MAP2K6: variants seen among roughly 807,000 people sequenced by gnomAD.
The protein encoded by MAP2K6 is mitogen-activated protein kinase kinase 6.
In MAP2K6, 16 loss-of-function variants were observed where a neutral mutation model predicts 53.7. That is an observed-to-expected ratio of 0.30 (90% CI 0.20 to 0.45). The LOEUF (loss-of-function observed/expected upper bound fraction) is 0.45, where lower values mean the gene tolerates loss of function less well. MAP2K6 is among the 20% of genes least tolerant of loss of function. MAP2K6 has a pLI of 1.00. For synonymous variants in MAP2K6, 132 were observed against 143.1 expected, an observed-to-expected ratio of 0.92 and a Z score of 0.55; for missense variants, 204 against 411.9, an observed-to-expected ratio of 0.50 and a Z score of 4.37.
At chr17:69,435,943 C>G (rs1906626270) in intron 1 of MAP2K6, among the ~76,000 whole-genome samples, 1 of 151,786 alleles carries the variant, frequency 6.6e-6, no homozygotes, top group Non-Finnish European at 1.5e-5. Context: ...GCTGGGATTA[C>G]AGGCGTGAGC....
At chr17:69,493,280 A>AAATTTTATAT (rs1908819472) in intron 1 of MAP2K6, among the ~76,000 whole-genome samples, 2 of 143,196 alleles carry the variant, frequency 1.4e-5, no homozygotes, top group African/African-American at 5.2e-5. Flanking sequence ...TTATATAACC[A>AAATTTTATAT]AAAAGGAAAA....
Position 69,414,969 on chromosome 17 carries a change from C to A in MAP2K6, c.-16C>A. On this transcript the variant is annotated 5_prime_UTR_variant, in exon 1 of 12. Transcript: ENST00000590474. ...AGTCTTTTGTGCTCCCCTCCCCCAT[C>A]AAAGGAAAGGGGAAAATGTCTCAGT... 2 of 1,550,384 alleles carry A rather than the reference C, an allele frequency of 1.3e-6. No homozygotes were observed.
At chr17:69,445,914 A>G (rs1271796868) in intron 1 of MAP2K6, among the ~76,000 whole-genome samples, 8 of 152,210 alleles carry the variant, frequency 5.3e-5, no homozygotes, top group African/African-American at 9.6e-5. Flanking sequence ...TGAGATATTT[A>G]TACTATCAGC....
At chr17:69,496,481 G>T (rs187219362) in intron 1 of MAP2K6, among the ~76,000 whole-genome samples, 15 of 151,832 alleles carry the variant, frequency 9.9e-5, no homozygotes, top group African/African-American at 3.6e-4. Flanking sequence ...CGATTCTCCC[G>T]CCTCAGCCTC....
chr17:69,506,118 A>G (rs1173914937), intron 2 of MAP2K6, among the ~76,000 whole-genome samples: 3 of 152,226 alleles, frequency 2.0e-5, no homozygotes, highest in Non-Finnish European at 4.4e-5. Context: ...AAGGCCAGAA[A>G]GGCCCCTGGA....
intron 1 of MAP2K6, among the ~76,000 whole-genome samples, chr17:69,422,124 ATTT>A (rs35694490): frequency 1.0e-4 from 9 of 87,380 alleles, no homozygotes; most frequent in East Asian, 6.6e-4. Context: ...AATCATCGTA[ATTT>A]TTTTTTTTTT....
intron 1 of MAP2K6, among the ~76,000 whole-genome samples, chr17:69,482,722 T>G (rs1464385664): frequency 1.3e-5 from 2 of 152,068 alleles, no homozygotes; most frequent in African/African-American, 4.8e-5. Flanking sequence ...CAGACAATAC[T>G]GTGTTTAAAA....
intron 1 of MAP2K6, among the ~76,000 whole-genome samples, chr17:69,503,136 G>A (rs1407121388): frequency 1.3e-5 from 2 of 152,186 alleles, no homozygotes; most frequent in Admixed American, 6.5e-5. Context: ...TGAGAGAACT[G>A]TAGGGTCGCC....
chr17:69,465,738 G>C (rs1384385669), intron 1 of MAP2K6, among the ~76,000 whole-genome samples: 1 of 151,346 alleles, frequency 6.6e-6, no homozygotes, highest in Non-Finnish European at 1.5e-5. Context: ...TCCTGCCTCA[G>C]CCTCCCAAAT....
chr17:69,481,087 A>G (rs1908336003), intron 1 of MAP2K6, among the ~76,000 whole-genome samples: 1 of 152,026 alleles, frequency 6.6e-6, no homozygotes. Context: ...TGTCCCCAGA[A>G]CTCTTTTTTC....
chr17:69,505,630 A>C (rs1279049300), intron 1 of MAP2K6, 150 bp from the exon 2 acceptor site: 1 of 660,478 alleles, frequency 1.5e-6, no homozygotes, highest in Non-Finnish European at 2.8e-6. Context: ...GGTTCTTAAC[A>C]CTCACAGACT....
chr17:69,499,884 C>A (rs1000984001), intron 1 of MAP2K6, among the ~76,000 whole-genome samples: 1 of 152,144 alleles, frequency 6.6e-6, no homozygotes, highest in Non-Finnish European at 1.5e-5. Flanking sequence ...TTCAGGGAAG[C>A]TGCTTTGAGC....
chr17:69,477,130 T>G (rs968484665), intron 1 of MAP2K6: 1 of 152,090 alleles, frequency 6.6e-6, no homozygotes, highest in Non-Finnish European at 1.5e-5. Context: ...GAGCTTGAAA[T>G]AAAGAATTGC....
At chr17:69,486,630 G>T (rs1437500513) in intron 1 of MAP2K6, among the ~76,000 whole-genome samples, 2 of 152,190 alleles carry the variant, frequency 1.3e-5, no homozygotes, top group African/African-American at 2.4e-5. Context: ...GATACAAACA[G>T]CACTGATCTT....
chr17:69,414,829 T>G lies in MAP2K6; in HGVS notation c.-156T>G. 1 of 663,030 alleles carries G rather than the reference T, an allele frequency of 1.5e-6. No homozygotes were observed. Among genetic ancestry groups the G allele is most frequent in the East Asian group, 2.6e-5 (1 of 38,200 alleles). 41.1% of individuals were successfully genotyped at this position (663,030 alleles called of 1,614,324 possible). A position where few individuals can be genotyped will look rare whatever the true frequency, so the allele number is the denominator to read the frequency against. Reference sequence around the variant, plus strand: ...TGCAAGGTGTGCATTTCCATCTTGATTCCCTGAAAGTCCATCTGCTGCATC... The same window carrying G: ...TGCAAGGTGTGCATTTCCATCTTGAGTCCCTGAAAGTCCATCTGCTGCATC... On this transcript the variant is annotated 5_prime_UTR_variant, in exon 1 of 12. Transcript: ENST00000590474.
intron 2 of MAP2K6, among the ~76,000 whole-genome samples, chr17:69,511,004 C>G (rs1221037600): frequency 6.6e-6 from 1 of 152,088 alleles, no homozygotes; most frequent in African/African-American, 2.4e-5. Flanking sequence ...TGCCAGGAGT[C>G]TTACATCCCT....
intron 1 of MAP2K6, among the ~76,000 whole-genome samples, chr17:69,425,509 C>T (rs933660115): frequency 2.0e-5 from 3 of 152,066 alleles, no homozygotes; most frequent in African/African-American, 7.2e-5. Flanking sequence ...GATGGGGCTT[C>T]ACTGTGTTGG....
At chr17:69,415,681 T>C (rs548843791) in intron 1 of MAP2K6, among the ~76,000 whole-genome samples, 1 of 152,318 alleles carries the variant, frequency 6.6e-6, no homozygotes, top group African/African-American at 2.4e-5. Context: ...ATGTTTTATG[T>C]CTGCCCATTT....
chr17:69,422,125 T>TG (rs71144691), intron 1 of MAP2K6, among the ~76,000 whole-genome samples: 1 of 36,874 alleles, frequency 2.7e-5, no homozygotes, highest in African/African-American at 7.7e-5. Flanking sequence ...ATCATCGTAA[T>TG]TTTTTTTTTT....
Sources: allele counts gnomAD v4.1 joint callset (sites outside exome capture counted in the v4.1 genomes callset), GRCh38; gene constraint gnomAD v4.1.1; transcripts MANE v1.5; gene names NCBI Gene and HGNC (gene_info 2026-07-23, HGNC 2026-07-21).